EFHC2: variants seen among roughly 807,000 people sequenced by gnomAD.
EFHC2 encodes EF-hand domain containing 2, also known as EF-hand domain-containing family member C2.
EFHC2 carries 18 observed loss-of-function variants against 52.7 expected under a neutral mutation model. The observed-to-expected ratio is 0.34, with a 90% CI of 0.24 to 0.51. EFHC2 has a LOEUF of 0.51. Among genes scored for constraint, EFHC2 ranks in the 20% least tolerant of loss-of-function variants. The pLI, the probability that EFHC2 is intolerant of heterozygous loss-of-function variation, is 0.97. For synonymous variants in EFHC2, 203 were observed against 204.1 expected, an observed-to-expected ratio of 0.99 and a Z score of 0.04; for missense variants, 513 against 562.5, an observed-to-expected ratio of 0.91 and a Z score of 0.89.
intron 4 of EFHC2, among the ~76,000 whole-genome samples, chrX:44,251,189 A>T (rs1188666831): frequency 5.3e-5 from 5 of 94,331 alleles, no homozygotes. Context: ...CAGTGAGCAG[A>T]GATCGCGCCA....
intron 3 of EFHC2, 46 bp downstream of exon 3, chrX:44,272,640 C>T (rs1056932244): frequency 1.8e-6 from 2 of 1,141,203 alleles, no homozygotes; most frequent in Admixed American, 2.9e-5. Context: ...TATATAAAGG[C>T]AGGAGTCAGA....
At chrX:44,261,580 G>A (rs2037538810) in intron 3 of EFHC2, among the ~76,000 whole-genome samples, 1 of 109,027 alleles carries the variant, frequency 9.2e-6, no homozygotes, top group East Asian at 2.9e-4. Flanking sequence ...GAGGATGGGG[G>A]ATGAAGGACA....
chrX:44,302,515 A>T (rs1425700547), intron 2 of EFHC2, among the ~76,000 whole-genome samples: 2 of 112,673 alleles, frequency 1.8e-5, no homozygotes, highest in Non-Finnish European at 3.8e-5. Context: ...AACCTACATA[A>T]TACAATGAAA....
intron 14 of EFHC2, among the ~76,000 whole-genome samples, chrX:44,159,393 T>C (rs762186430): frequency 1.1e-4 from 12 of 111,916 alleles, no homozygotes; most frequent in South Asian, 3.8e-4. Flanking sequence ...CTATTCAACA[T>C]TGTGCTCAAC....
At chrX:44,315,783 G>A (rs1182687826) in intron 1 of EFHC2, among the ~76,000 whole-genome samples, 1 of 111,117 alleles carries the variant, frequency 9.0e-6, no homozygotes, top group East Asian at 2.8e-4. Context: ...TAGGAGTGAT[G>A]TACTGCAGCT....
At chrX:44,266,177 T>A (rs886382013) in intron 3 of EFHC2, among the ~76,000 whole-genome samples, 3 of 111,031 alleles carry the variant, frequency 2.7e-5, no homozygotes, top group African/African-American at 9.8e-5. Flanking sequence ...ACTTTTGAGG[T>A]ACCATTCAAA....
At chrX:44,189,786 G>A (rs995080304) in intron 11 of EFHC2, among the ~76,000 whole-genome samples, 33 of 111,352 alleles carry the variant, frequency 3.0e-4, no homozygotes, top group African/African-American at 1.1e-3. Context: ...GACAGCAGGA[G>A]GGACACCTTT....
At chrX:44,235,241 T>G in intron 9 of EFHC2, 64 bp downstream of exon 9, 1 of 982,314 alleles carries the variant, frequency 1.0e-6, no homozygotes. Context: ...TGTTCCCTAA[T>G]TTTCAACATG....
intron 13 of EFHC2, among the ~76,000 whole-genome samples, chrX:44,167,691 TG>T (rs1234596182): frequency 8.9e-6 from 1 of 112,113 alleles, no homozygotes; most frequent in African/African-American, 3.2e-5. Context: ...GTTGTGGTAA[TG>T]TGGTAAAATA....
intron 2 of EFHC2, among the ~76,000 whole-genome samples, chrX:44,277,025 C>T (rs754117230): frequency 1.8e-5 from 2 of 110,788 alleles, no homozygotes; most frequent in Admixed American, 1.9e-4. Context: ...TTTCGGAGGC[C>T]GAGGCGGGCG....
chrX:44,254,071 C>G (rs2037473809), intron 4 of EFHC2, among the ~76,000 whole-genome samples: 1 of 112,263 alleles, frequency 8.9e-6, no homozygotes, highest in African/African-American at 3.2e-5. Context: ...GGAATAGCAT[C>G]AACATCAACA....
intron 11 of EFHC2, among the ~76,000 whole-genome samples, chrX:44,179,356 G>A (rs188889212): frequency 8.9e-6 from 1 of 112,041 alleles, no homozygotes; most frequent in Admixed American, 9.5e-5. Flanking sequence ...AGCTTCCACT[G>A]TCTAGAAAAT....
intron 11 of EFHC2, among the ~76,000 whole-genome samples, chrX:44,180,264 T>C (rs2147281171): frequency 8.9e-6 from 1 of 111,838 alleles, no homozygotes; most frequent in East Asian, 2.8e-4. Context: ...GGGCTATCAC[T>C]AATCATTATT....
intron 4 of EFHC2, among the ~76,000 whole-genome samples, chrX:44,259,366 G>A (rs1407520123): frequency 9.1e-6 from 1 of 109,713 alleles, no homozygotes; most frequent in Admixed American, 9.7e-5. Flanking sequence ...ATGGACACAG[G>A]GAGGGGAACA....
intron 2 of EFHC2, chrX:44,286,349 G>A (rs2037748128): frequency 8.9e-6 from 1 of 112,747 alleles, no homozygotes; most frequent in Non-Finnish European, 1.9e-5. Context: ...GGTCAAGGAT[G>A]TGTTTGAAGA....
chrX:44,317,351 A>C (rs1472680054), intron 1 of EFHC2, among the ~76,000 whole-genome samples: 1 of 112,496 alleles, frequency 8.9e-6, no homozygotes, highest in Non-Finnish European at 1.9e-5. Context: ...ATTTATGAGA[A>C]AGTTTGCTGT....
intron 10 of EFHC2, among the ~76,000 whole-genome samples, chrX:44,230,723 A>C (rs1234739193): frequency 1.8e-5 from 2 of 111,289 alleles, no homozygotes; most frequent in Non-Finnish European, 3.8e-5. Flanking sequence ...GGAAAAAAAA[A>C]CCTTTATATC....
chrX:44,233,527 G>A (rs1170600184), intron 9 of EFHC2, among the ~76,000 whole-genome samples: 1 of 111,628 alleles, frequency 9.0e-6, no homozygotes, highest in Non-Finnish European at 1.9e-5. Flanking sequence ...GAAATCTACA[G>A]ACCTATAAAT....
At chrX:44,343,192 A>T in intron 1 of EFHC2, among the ~76,000 whole-genome samples, 1 of 110,933 alleles carries the variant, frequency 9.0e-6, no homozygotes, top group East Asian at 2.9e-4. Context: ...GTAACTGGGA[A>T]TAAAAACTAC....
Sources: gnomAD v4.1 joint callset for allele counts (sites outside exome capture counted in the v4.1 genomes callset) on GRCh38, gnomAD v4.1.1 for gene constraint, MANE v1.5 for transcripts, NCBI Gene and HGNC (gene_info 2026-07-23, HGNC 2026-07-21) for gene names.